The following STK3 variants were observed in gnomAD, a reference collection of about 807,000 sequenced individuals.
STK3 encodes the protein serine/threonine kinase 3.
A neutral mutation model predicts 58.0 loss-of-function variants in STK3; 41 were observed. That is an observed-to-expected ratio of 0.71 (90% CI 0.55 to 0.92). STK3 has a LOEUF of 0.92. Ranked by LOEUF, STK3 falls within the 40% of genes least tolerant of loss-of-function variation. STK3 has a pLI of 0.00. For synonymous variants in STK3, 170 were observed against 191.0 expected (o/e 0.89, Z 0.91); for missense variants, 479 against 602.7 (o/e 0.79, Z 2.15).
At chr8:98,598,397 C>G (rs1816014966) in intron 6 of STK3, 1 of 985,220 alleles carries the variant, frequency 1.0e-6, no homozygotes, top group African/African-American at 1.7e-5. Context: ...ATTGAACAAG[C>G]ATGAACACCG....
At chr8:98,569,967 A>C (rs1468299226) in intron 8 of STK3, among the ~76,000 whole-genome samples, 1 of 149,568 alleles carries the variant, frequency 6.7e-6, no homozygotes, top group East Asian at 1.9e-4. Context: ...AAATATATGT[A>C]TACAAATATA....
intron 8 of STK3, among the ~76,000 whole-genome samples, chr8:98,558,728 A>G (rs1349689337): frequency 6.6e-6 from 1 of 151,894 alleles, no homozygotes; most frequent in African/African-American, 2.4e-5. Flanking sequence ...CCATTATGAT[A>G]GTATTTTTAA....
At chr8:98,381,423 G>C (rs987790040) in intron 1 of STK3, among the ~76,000 whole-genome samples, 2 of 152,152 alleles carry the variant, frequency 1.3e-5, no homozygotes, top group Non-Finnish European at 2.9e-5. Flanking sequence ...TGATAGCTCT[G>C]GATCAATTTC....
At chr8:98,589,224 T>C (rs1814999933) in intron 7 of STK3, among the ~76,000 whole-genome samples, 2 of 152,204 alleles carry the variant, frequency 1.3e-5, no homozygotes, top group African/African-American at 4.8e-5. Flanking sequence ...CCCATCTTTG[T>C]GGTTTTATCT....
chr8:98,730,715 C>CAAAAAAAAAAAA, intron 4 of STK3, among the ~76,000 whole-genome samples: 1 of 66,382 alleles, frequency 1.5e-5, no homozygotes, highest in Non-Finnish European at 2.8e-5. Flanking sequence ...GACTCCGTCT[C>CAAAAAAAAAAAA]AAAAAAAAAA....
chr8:98,888,743 A>G (rs530251315), intron 1 of STK3, among the ~76,000 whole-genome samples: 1 of 152,318 alleles, frequency 6.6e-6, no homozygotes, highest in African/African-American at 2.4e-5. Flanking sequence ...ATTAACTAGA[A>G]TGTCTCCAGT....
At position 98,644,519 on chromosome 8, in the gene STK3, A is replaced by G. The variant is rs373762010; in HGVS notation, c.685-48350T>C. ...TGTTGTTTACAGTCTGTGACCAAAT[A>G]TTTTTAGGACATTCACATGAATAAA... is the stretch of plus-strand genomic sequence containing the variant. On this transcript the variant is annotated intron_variant, in intron 6 of 10. Transcript: ENST00000419617. Among the ~76,000 whole-genome samples the G allele has an allele frequency of 4.5e-4, 69 of 152,290 alleles. No homozygotes were observed. The South Asian group carries it at 0.014, about 31-fold the overall frequency.
chr8:98,774,658 C>T, intron 2 of STK3, 81 bp downstream of exon 2: 1 of 961,146 alleles, frequency 1.0e-6, no homozygotes, highest in Non-Finnish European at 1.5e-6. Flanking sequence ...CGAATATACT[C>T]TAGTTGAAAG....
chr8:98,715,817 A>G (rs1357684693), intron 4 of STK3, among the ~76,000 whole-genome samples: 1 of 152,218 alleles, frequency 6.6e-6, no homozygotes, highest in African/African-American at 2.4e-5. Context: ...ATACTGCTAT[A>G]AAGACACATG....
intron 8 of STK3, chr8:98,553,314 T>C (rs555035877): frequency 6.6e-6 from 1 of 152,162 alleles, no homozygotes. Context: ...ACTGTAATTG[T>C]CTATTCACTT....
intron 1 of STK3, among the ~76,000 whole-genome samples, chr8:98,808,880 A>G (rs921851769): frequency 6.6e-6 from 1 of 152,200 alleles, no homozygotes; most frequent in Admixed American, 6.5e-5. Context: ...CAAGAAATCA[A>G]TCATGTGATT....
At chr8:98,488,493 A>G (rs1822444126) in intron 10 of STK3, among the ~76,000 whole-genome samples, 1 of 152,178 alleles carries the variant, frequency 6.6e-6, no homozygotes, top group Non-Finnish European at 1.5e-5. Flanking sequence ...GAAAGGAAGA[A>G]GAGAAAATCT....
intron 1 of STK3, among the ~76,000 whole-genome samples, chr8:98,903,553 CTTCCTTTTTT>C (rs1838759688): frequency 1.3e-4 from 2 of 15,350 alleles, no homozygotes; most frequent in Admixed American, 9.6e-4. Context: ...TCTTCTTCTT[CTTCCTTTTTT>C]TTTTTTTAAG....
intron 6 of STK3, among the ~76,000 whole-genome samples, chr8:98,662,812 C>T (rs1048358424): frequency 6.6e-6 from 1 of 152,004 alleles, no homozygotes; most frequent in African/African-American, 2.4e-5. Context: ...TCTCCTAATG[C>T]TATCCCTCAC....
At chr8:98,535,286 T>C (rs2131527584) in intron 9 of STK3, among the ~76,000 whole-genome samples, 1 of 152,248 alleles carries the variant, frequency 6.6e-6, no homozygotes, top group Middle Eastern at 3.4e-3. Context: ...AAAGTAAATT[T>C]AGTATTTGTA....
At chr8:98,620,798 C>CA (rs1198251568) in intron 6 of STK3, among the ~76,000 whole-genome samples, 6 of 151,252 alleles carry the variant, frequency 4.0e-5, no homozygotes, top group African/African-American at 1.5e-4. Context: ...TCCAAAATGA[C>CA]AAAAAAGACA....
chr8:98,712,366 A>T (rs1348478654), intron 4 of STK3, among the ~76,000 whole-genome samples: 1 of 152,182 alleles, frequency 6.6e-6, no homozygotes, highest in East Asian at 1.9e-4. Flanking sequence ...AAGACCCATC[A>T]GTGTGCTGTA....
At chr8:98,674,307 A>G (rs187654787) in intron 6 of STK3, among the ~76,000 whole-genome samples, 16 of 152,288 alleles carry the variant, frequency 1.1e-4, no homozygotes, top group Admixed American at 2.0e-4. Flanking sequence ...AGTTGTTTAA[A>G]CAATATATAA....
chr8:98,890,242 A>G (rs1838145893), intron 1 of STK3, among the ~76,000 whole-genome samples: 1 of 152,216 alleles, frequency 6.6e-6, no homozygotes. Flanking sequence ...GGACGCCAAC[A>G]TGATTCTGAT....
Sources: gnomAD v4.1 joint callset for allele counts (sites outside exome capture counted in the v4.1 genomes callset) on GRCh38, gnomAD v4.1.1 for gene constraint, MANE v1.5 for transcripts, NCBI Gene and HGNC (gene_info 2026-07-23, HGNC 2026-07-21) for gene names.